The following TMPRSS11A variants were observed in gnomAD, a reference collection of about 807,000 sequenced individuals.
TMPRSS11A encodes transmembrane serine protease 11A, also known as transmembrane protease serine 11A.
TMPRSS11A carries 53 observed loss-of-function variants against 58.9 expected under a neutral mutation model. The ratio of observed to expected loss-of-function variants is 0.90; its 90% CI spans 0.72 to 1.13. TMPRSS11A has a LOEUF of 1.13. TMPRSS11A is among the 50% of genes most tolerant of loss of function. TMPRSS11A has a pLI of 0.00. For missense variants in TMPRSS11A, 493 were observed against 499.3 expected, an observed-to-expected ratio of 0.99 and a Z score of 0.12; for synonymous variants, 167 against 169.8, an observed-to-expected ratio of 0.98 and a Z score of 0.13.
At chr4:67,928,084 G>T (rs950919568) in intron 5 of TMPRSS11A, among the ~76,000 whole-genome samples, 10 of 152,112 alleles carry the variant, frequency 6.6e-5, no homozygotes, top group African/African-American at 2.4e-4. Flanking sequence ...GCTCTGTCAA[G>T]CCCAGGCTTG....
rs1413762157 is a variant in TMPRSS11A, at chr4:67,930,012, C to T, written c.349G>A (p.Val117Ile). The T allele has an allele frequency of 6.2e-7, 1 of 1,612,932 alleles. No homozygotes were observed. The highest frequency in any genetic ancestry group is 1.3e-5 in the African/African-American group (1 of 74,998). The change falls in exon 5 of 10, where the codon GTC (valine) becomes ATC (isoleucine). Residue 117 changes from valine to isoleucine, a missense_variant. By Grantham distance (29) the Val-to-Ile change is conservative (BLOSUM62 3). Transcript: ENST00000508048. Reference sequence around the variant, plus strand: ...GAGGGGAACTGGAACACCATAATGACATCTACTTTCACACCATCTTCCTCT... The same window carrying T: ...GAGGGGAACTGGAACACCATAATGATATCTACTTTCACACCATCTTCCTCT... ...TPEEDGVKVD[V>I]IMVFQFPSTE... is the part of the protein sequence containing the mutation.
At chr4:67,956,424 A>G (rs1032130995) in intron 1 of TMPRSS11A, among the ~76,000 whole-genome samples, 2 of 152,178 alleles carry the variant, frequency 1.3e-5, no homozygotes, top group Non-Finnish European at 2.9e-5. Flanking sequence ...TATTACTTTC[A>G]TATCTCCAGT....
intron 9 of TMPRSS11A, among the ~76,000 whole-genome samples, chr4:67,912,714 T>C (rs1720017799): frequency 6.6e-6 from 1 of 152,182 alleles, no homozygotes. Flanking sequence ...CTGATGGTTC[T>C]TCCTTCAAAG....
At position 67,930,003 on chromosome 4, in the gene TMPRSS11A, C is replaced by G. The variant is rs1449187659; in HGVS notation, c.358G>C (p.Val120Leu). 1 of 1,613,224 alleles carries G rather than the reference C, an allele frequency of 6.2e-7. No individual in the cohort carries two copies. The highest frequency in any genetic ancestry group is 2.2e-5 in the East Asian group (1 of 44,866). ...EDGVKVDVIMVFQFPSTEQRA... is the reference protein window; with the variant it reads ...EDGVKVDVIMLFQFPSTEQRA... ...TGTTCAGTAGAGGGGAACTGGAACA[C>G]CATAATGACATCTACTTTCACACCA... Residue 120 changes from valine (V) to leucine (L), a missense_variant, in exon 5 of 10, where the codon GTG becomes CTG. Physicochemically the swap from Val to Leu is conservative, Grantham distance 32 (BLOSUM62 1). Coordinates refer to ENST00000508048, the MANE Select transcript of TMPRSS11A (RefSeq NM_001114387.2).
intron 1 of TMPRSS11A, among the ~76,000 whole-genome samples, chr4:67,960,999 C>T (rs971817332): frequency 1.3e-5 from 2 of 152,110 alleles, no homozygotes; most frequent in Non-Finnish European, 2.9e-5. Context: ...GTGAGTGAAT[C>T]ATGCAATTAA....
chr4:67,924,050 G>A lies in TMPRSS11A; in HGVS notation c.520+78C>T. On this transcript the variant is annotated intron_variant, in intron 6 of 9. Transcript: ENST00000508048. Reference sequence around the variant, plus strand: ...CAAAGAAAATCTGGAGGACAGATGGGCAAGTATGAGCAAATATTTGAAAAT... The same window carrying A: ...CAAAGAAAATCTGGAGGACAGATGGACAAGTATGAGCAAATATTTGAAAAT... The A allele has an allele frequency of 2.6e-6, 3 of 1,161,618 alleles. No individual in the cohort carries two copies. The South Asian group carries it at 3.7e-5, about 14-fold the overall frequency. The allele number at this position is 1,161,618 out of a possible 1,614,324, so 72.0% of individuals were successfully genotyped here. A position where few individuals can be genotyped will look rare whatever the true frequency, so the allele number is the denominator to read the frequency against.
At position 67,919,039 on chromosome 4, in the gene TMPRSS11A, C is replaced by T; in HGVS notation, c.886G>A (p.Ala296Thr). The T allele has an allele frequency of 6.2e-7, 1 of 1,614,126 alleles. No individual in the cohort carries two copies. The highest frequency in any genetic ancestry group is 8.5e-7 in the Non-Finnish European group (1 of 1,180,018). The change falls in exon 8 of 10, where the codon GCC becomes ACC. Residue 296 changes from alanine to threonine, a missense_variant. Transcript: ENST00000508048. ...AAATTTGGTTGGAAGGATGCAGAGG[C>T]TTCTGGCAAACAAATCTGGCGTATG... Reference protein sequence around the residue: ...DDIRQICLPEASASFQPNLTV... With the variant: ...DDIRQICLPETSASFQPNLTV...
intron 3 of TMPRSS11A, among the ~76,000 whole-genome samples, chr4:67,937,328 C>A (rs540398093): frequency 6.6e-6 from 1 of 152,014 alleles, no homozygotes; most frequent in Non-Finnish European, 1.5e-5. Context: ...TTCCTCCTAC[C>A]TTTGCCTTCC....
chr4:67,917,927 T>C (rs1382500830), intron 8 of TMPRSS11A, among the ~76,000 whole-genome samples: 1 of 152,192 alleles, frequency 6.6e-6, no homozygotes, highest in East Asian at 1.9e-4. Flanking sequence ...ATATTTTCTG[T>C]GATTGGTAAT....
At chr4:67,923,025 C>T in intron 6 of TMPRSS11A, 99 bp from the exon 7 acceptor site, 1 of 1,140,378 alleles carries the variant, frequency 8.8e-7, no homozygotes, top group Non-Finnish European at 1.3e-6. Flanking sequence ...TATACTACTC[C>T]TCCTGCCCAG....
intron 1 of TMPRSS11A, among the ~76,000 whole-genome samples, chr4:67,959,162 T>C (rs960701184): frequency 1.3e-5 from 2 of 152,170 alleles, no homozygotes; most frequent in Non-Finnish European, 2.9e-5. Context: ...AAATCTGCCT[T>C]TAAATCTGAA....
At chr4:67,955,211 A>G (rs1029073689) in intron 1 of TMPRSS11A, among the ~76,000 whole-genome samples, 3 of 152,230 alleles carry the variant, frequency 2.0e-5, no homozygotes, top group African/African-American at 4.8e-5. Flanking sequence ...GAATGACATA[A>G]TAAAAGGAAG....
At chr4:67,923,890 C>A (rs553902795) in intron 6 of TMPRSS11A, among the ~76,000 whole-genome samples, 3 of 152,194 alleles carry the variant, frequency 2.0e-5, no homozygotes, top group East Asian at 1.9e-4. Flanking sequence ...TATTCCCAAT[C>A]AAAAATAAAT....
intron 3 of TMPRSS11A, among the ~76,000 whole-genome samples, chr4:67,935,256 A>G (rs1368413602): frequency 6.6e-6 from 1 of 152,152 alleles, no homozygotes; most frequent in Non-Finnish European, 1.5e-5. Context: ...GCCTGGCTCC[A>G]TCTTCAACAC....
At chr4:67,934,872 G>A (rs911813888) in intron 3 of TMPRSS11A, among the ~76,000 whole-genome samples, 2 of 152,088 alleles carry the variant, frequency 1.3e-5, no homozygotes, top group Non-Finnish European at 2.9e-5. Context: ...TTCACTTAGG[G>A]AGTGTTTTGT....
At position 67,920,549 on chromosome 4, in the gene TMPRSS11A, ATT is replaced by A. The variant is rs1553922035; in HGVS notation, c.693-1319_693-1318del. On this transcript the variant is annotated intron_variant, in intron 7 of 9. Transcript: ENST00000508048. Reference sequence around the variant, plus strand: ...TAATTATATATATATATATATATATATTTTTTTTTATATATACACACACACAT... The same window carrying A: ...TAATTATATATATATATATATATATATTTTTTTATATATACACACACACAT... Among the ~76,000 whole-genome samples, 125 of 130,890 alleles carry A rather than the reference ATT, an allele frequency of 9.6e-4. 2 individuals are homozygous for A. Among genetic ancestry groups the A allele is most frequent in the African/African-American group, 3.3e-3 (109 of 32,630 alleles). 85.9% of individuals were successfully genotyped at this position (130,890 alleles called of 152,430 possible). A position where few individuals can be genotyped will look rare whatever the true frequency, so the allele number is the denominator to read the frequency against.
At position 67,909,970 on chromosome 4, in the gene TMPRSS11A, A is replaced by G. The variant is rs1479226088; in HGVS notation, c.*1372T>C. The G allele has an allele frequency of 6.6e-6, 1 of 152,058 alleles. No individual in the cohort carries two copies. Among genetic ancestry groups the G allele is most frequent in the African/African-American group, 2.4e-5 (1 of 41,444 alleles). 9.4% of individuals were successfully genotyped at this position (152,058 alleles called of 1,614,324 possible). ...TTCTCAATAGCATGTGAGGGAAATTATTATAAAGCAAGTTCATCGTTCCAA... is the reference window on the plus strand; with the variant it reads ...TTCTCAATAGCATGTGAGGGAAATTGTTATAAAGCAAGTTCATCGTTCCAA... On this transcript the variant is annotated 3_prime_UTR_variant, in exon 10 of 10. Transcript: ENST00000508048.
At chr4:67,914,909 T>C (rs1453283274) in intron 8 of TMPRSS11A, among the ~76,000 whole-genome samples, 179 bp from the exon 9 acceptor site, 1 of 152,210 alleles carries the variant, frequency 6.6e-6, no homozygotes, top group East Asian at 1.9e-4. Flanking sequence ...ACGATAATTA[T>C]TGTCCAATCA....
At chr4:67,914,821 T>C in intron 8 of TMPRSS11A, 91 bp from the exon 9 acceptor site, 1 of 1,149,998 alleles carries the variant, frequency 8.7e-7, no homozygotes, top group Non-Finnish European at 1.2e-6. Flanking sequence ...TTTTTCATGG[T>C]AAAATTGTCA....
Sources: gnomAD v4.1 joint callset for allele counts (sites outside exome capture counted in the v4.1 genomes callset) on GRCh38, gnomAD v4.1.1 for gene constraint, MANE v1.5 for transcripts, NCBI Gene and HGNC (gene_info 2026-07-23, HGNC 2026-07-21) for gene names.